The following NPTN variants were observed in gnomAD, a reference collection of about 807,000 sequenced individuals.
NPTN encodes neuroplastin, also known as SDR-1.
In NPTN, 5 loss-of-function variants were observed where a neutral mutation model predicts 42.7. That is an observed-to-expected ratio of 0.12 (90% CI 0.06 to 0.25). The LOEUF (loss-of-function observed/expected upper bound fraction) is 0.25, where lower values mean the gene tolerates loss of function less well. NPTN is among the 10% of genes least tolerant of loss of function. The pLI, the probability that NPTN is intolerant of heterozygous loss-of-function variation, is 1.00. For missense variants in NPTN, 307 were observed against 525.4 expected (o/e 0.58, Z 4.06); for synonymous variants, 180 against 201.9 (o/e 0.89, Z 0.92).
intron 1 of NPTN, among the ~76,000 whole-genome samples, chr15:73,598,904 C>T (rs1896950587): frequency 6.6e-6 from 1 of 152,140 alleles, no homozygotes; most frequent in Non-Finnish European, 1.5e-5. Flanking sequence ...GTGATAACCC[C>T]ACACCATGGA....
intron 4 of NPTN, among the ~76,000 whole-genome samples, chr15:73,576,486 A>AC (rs1291295252): frequency 6.6e-6 from 1 of 151,936 alleles, no homozygotes; most frequent in African/African-American, 2.4e-5. Flanking sequence ...CTGCCACCAT[A>AC]CCTGGCTAAT....
rs769489029 is a variant in NPTN, at chr15:73,633,101, G to A, written c.91+24C>T. 9 of 1,416,444 alleles carry A rather than the reference G, an allele frequency of 6.4e-6. No individual in the cohort carries two copies. The South Asian group carries it at 7.8e-5, about 12-fold the overall frequency. The allele number at this position is 1,416,444 out of a possible 1,614,324, so 87.7% of individuals were successfully genotyped here. ...CCCGGCGCCCCTCAACCCCCGCCCG[G>A]CCCGCCCCCGGCGCCCCGCTTACCG... On this transcript the variant is annotated intron_variant, in intron 1 of 8. Transcript: ENST00000345330.
intron 2 of NPTN, among the ~76,000 whole-genome samples, chr15:73,592,974 T>C (rs1186980331): frequency 1.3e-5 from 2 of 152,194 alleles, no homozygotes; most frequent in African/African-American, 2.4e-5. Flanking sequence ...GTATTACTAA[T>C]GGCAAAGCTG....
intron 4 of NPTN, among the ~76,000 whole-genome samples, chr15:73,585,589 T>C (rs551899869): frequency 2.2e-4 from 33 of 152,216 alleles, no homozygotes; most frequent in Non-Finnish European, 3.8e-4. Context: ...ACATTAAACA[T>C]TGAACTCTTT....
intron 3 of NPTN, 126 bp from the exon 4 acceptor site, chr15:73,587,744 T>A (rs565603567): frequency 3.0e-6 from 2 of 660,248 alleles, no homozygotes; most frequent in Admixed American, 2.7e-5. Flanking sequence ...CACCTCCTTC[T>A]AACTAAAAGC....
At chr15:73,607,339 G>T (rs145711923) in intron 1 of NPTN, among the ~76,000 whole-genome samples, 1 of 152,104 alleles carries the variant, frequency 6.6e-6, no homozygotes, top group African/African-American at 2.4e-5. Flanking sequence ...TAAATTCAGC[G>T]TAACTTCTGA....
At chr15:73,605,890 A>G (rs919982612) in intron 1 of NPTN, among the ~76,000 whole-genome samples, 2 of 151,840 alleles carry the variant, frequency 1.3e-5, no homozygotes, top group Non-Finnish European at 2.9e-5. Context: ...CTCTGCCTGT[A>G]TGTTACTTAT....
intron 1 of NPTN, among the ~76,000 whole-genome samples, chr15:73,609,803 G>A (rs979356140): frequency 1.3e-5 from 2 of 151,632 alleles, no homozygotes; most frequent in African/African-American, 4.9e-5. Flanking sequence ...TATATTTATG[G>A]GATACATAGT....
At chr15:73,585,113 C>T (rs549802734) in intron 4 of NPTN, among the ~76,000 whole-genome samples, 6 of 152,292 alleles carry the variant, frequency 3.9e-5, no homozygotes, top group South Asian at 2.1e-4. Context: ...GGGAAAGAAA[C>T]GGCTGAGAGC....
intron 4 of NPTN, among the ~76,000 whole-genome samples, chr15:73,585,564 A>G (rs918076519): frequency 2.0e-5 from 3 of 152,216 alleles, no homozygotes; most frequent in Non-Finnish European, 4.4e-5. Context: ...AACTATCCAT[A>G]ACTGGGAAGA....
At position 73,569,391 on chromosome 15, in the gene NPTN, T is replaced by C; in HGVS notation, c.1114+759A>G. On this transcript the variant is annotated intron_variant, in intron 6 of 8. Coordinates refer to ENST00000345330, the MANE Select transcript of NPTN (RefSeq NM_012428.4). The surrounding 1 kb of genome is among the most constrained non-coding windows in gnomAD (Gnocchi z 4.1). ...TTGCTCTTTCCAGTGCTCAGTGGTG[T>C]GCTGTGGTTCTGCTGCTACCATCTC... The C allele has an allele frequency of 1.0e-6, 1 of 985,624 alleles. No homozygotes were observed. The highest frequency in any genetic ancestry group is 1.7e-5 in the African/African-American group (1 of 57,358). 61.1% of individuals were successfully genotyped at this position (985,624 alleles called of 1,614,324 possible). A position where few individuals can be genotyped will look rare whatever the true frequency, so the allele number is the denominator to read the frequency against.
intron 7 of NPTN, among the ~76,000 whole-genome samples, chr15:73,562,793 TA>T (rs1335339974): frequency 6.6e-6 from 1 of 152,144 alleles, no homozygotes; most frequent in Non-Finnish European, 1.5e-5. Context: ...ACCCTTTTAC[TA>T]CCATCCCTGG....
intron 6 of NPTN, chr15:73,567,020 TTTTA>T (rs1243006296): frequency 1.7e-5 from 16 of 960,954 alleles, no homozygotes; most frequent in African/African-American, 1.8e-5. Context: ...TTTTTTTTTT[TTTTA>T]AAGGAAGCAG....
Position 73,633,176 on chromosome 15 carries a change from G to A in NPTN, c.40C>T (p.Leu14=). The change falls in exon 1 of 9, where the codon CTG becomes TTG. Residue 14 remains leucine (L), a synonymous_variant. Transcript: ENST00000345330. ...AGGAGGGAGCCAGAGACCAGCAACA[G>A]CGAGAGGGCCAGGGCGCTGGGCAGC... is the stretch of plus-strand genomic sequence containing the variant. The part of the protein sequence containing the change: ...SSLPSALALS[L]LLVSGSLLPG... The A allele has an allele frequency of 6.6e-7, 1 of 1,521,034 alleles. No homozygotes were observed. The highest frequency in any genetic ancestry group is 8.8e-7 in the Non-Finnish European group (1 of 1,141,080). 94.2% of individuals were successfully genotyped at this position (1,521,034 alleles called of 1,614,324 possible). A position where few individuals can be genotyped will look rare whatever the true frequency, so the allele number is the denominator to read the frequency against.
At chr15:73,590,780 C>T (rs1037406998) in intron 3 of NPTN, among the ~76,000 whole-genome samples, 3 of 151,802 alleles carry the variant, frequency 2.0e-5, no homozygotes, top group African/African-American at 7.3e-5. Context: ...AAAATAACAA[C>T]AAAAAATCAA....
intron 1 of NPTN, among the ~76,000 whole-genome samples, chr15:73,630,111 T>C (rs1170282150): frequency 6.6e-6 from 1 of 152,256 alleles, no homozygotes; most frequent in Admixed American, 6.5e-5. Context: ...ATAGCTAACA[T>C]GTACTGAGAC....
intron 1 of NPTN, among the ~76,000 whole-genome samples, chr15:73,621,900 C>T (rs1240433819): frequency 6.6e-6 from 1 of 152,176 alleles, no homozygotes; most frequent in African/African-American, 2.4e-5. Context: ...AGGCACCACT[C>T]CTTGCCTTAG....
intron 4 of NPTN, among the ~76,000 whole-genome samples, chr15:73,585,935 G>A (rs1221015002): frequency 6.6e-6 from 1 of 152,326 alleles, no homozygotes; most frequent in East Asian, 1.9e-4. Flanking sequence ...CTGCTGAAGA[G>A]ACTATGAAGA....
intron 3 of NPTN, among the ~76,000 whole-genome samples, chr15:73,589,044 T>C (rs892634639): frequency 4.0e-5 from 6 of 151,478 alleles, no homozygotes; most frequent in Admixed American, 2.6e-4. Context: ...GTAAGAAGAG[T>C]GTATGGGTCA....
Sources: allele counts gnomAD v4.1 joint callset (sites outside exome capture counted in the v4.1 genomes callset), GRCh38; gene constraint gnomAD v4.1.1; non-coding constraint Gnocchi (gnomAD v3.1); transcripts MANE v1.5; gene names NCBI Gene and HGNC (gene_info 2026-07-23, HGNC 2026-07-21).